CSMD1: variants seen among roughly 807,000 people sequenced by gnomAD.
CSMD1 encodes the protein CUB and Sushi multiple domains 1.
In CSMD1, 213 loss-of-function variants were observed where a neutral mutation model predicts 417.5. The observed-to-expected ratio is 0.51, with a 90% CI of 0.46 to 0.57. The LOEUF is 0.57. CSMD1 is among the 20% of genes least tolerant of loss of function. The probability of loss-of-function intolerance (pLI) is 0.00; values close to 1 mark genes in which losing one functional copy is unlikely to be tolerated. For synonymous variants in CSMD1, 2,862 were observed against 1,736.8 expected (o/e 1.65, Z -16.11); for missense variants, 6,923 against 4,529.7 (o/e 1.53, Z -15.17).
At chr8:3,790,155 C>T (rs910845126) in intron 5 of CSMD1, among the ~76,000 whole-genome samples, 32 of 152,108 alleles carry the variant, frequency 2.1e-4, no homozygotes, top group African/African-American at 6.3e-4. Flanking sequence ...GCTCACATGC[C>T]GTTTTATAAT....
intron 50 of CSMD1, among the ~76,000 whole-genome samples, chr8:3,034,871 G>A (rs1484043766): frequency 6.6e-6 from 1 of 152,168 alleles, no homozygotes; most frequent in South Asian, 2.1e-4. Context: ...TTAAGAACTG[G>A]AGCAAAAATA....
intron 3 of CSMD1, among the ~76,000 whole-genome samples, chr8:4,071,830 G>T (rs574196983): frequency 5.9e-5 from 9 of 152,206 alleles, no homozygotes; most frequent in South Asian, 2.1e-4. Context: ...CTGTTGTGGG[G>T]GGGTGGTGTG....
At chr8:4,525,595 C>A (rs925988087) in intron 2 of CSMD1, among the ~76,000 whole-genome samples, 2 of 152,140 alleles carry the variant, frequency 1.3e-5, no homozygotes, top group African/African-American at 4.8e-5. Context: ...CTGGTTTATA[C>A]ATGAAGTATG....
intron 2 of CSMD1, among the ~76,000 whole-genome samples, chr8:4,424,068 G>T (rs1563158589): frequency 6.6e-6 from 1 of 151,896 alleles, no homozygotes; most frequent in African/African-American, 2.4e-5. Flanking sequence ...AAATATAAAT[G>T]TAAAATGTAA....
chr8:4,868,243 C>T (rs550222976), intron 1 of CSMD1, among the ~76,000 whole-genome samples: 1 of 152,130 alleles, frequency 6.6e-6, no homozygotes, highest in East Asian at 1.9e-4. Context: ...GTATTATTTT[C>T]TTTCCTTTAA....
At chr8:4,719,002 G>C (rs1385011546) in intron 1 of CSMD1, among the ~76,000 whole-genome samples, 3 of 152,042 alleles carry the variant, frequency 2.0e-5, no homozygotes, top group Non-Finnish European at 4.4e-5. Flanking sequence ...ATGTAGGTAT[G>C]AGAAAAAAGG....
intron 3 of CSMD1, among the ~76,000 whole-genome samples, chr8:4,369,313 A>C (rs79917039): frequency 6.6e-6 from 1 of 152,142 alleles, no homozygotes; most frequent in Admixed American, 6.5e-5. Context: ...TGTGGTTGTT[A>C]TGAATTGAAT....
chr8:3,311,612 T>G (rs1255573617), intron 23 of CSMD1, among the ~76,000 whole-genome samples: 2 of 152,224 alleles, frequency 1.3e-5, no homozygotes, highest in African/African-American at 4.8e-5. Flanking sequence ...TTGAATACTG[T>G]ACAGGAAATG....
intron 8 of CSMD1, among the ~76,000 whole-genome samples, chr8:3,603,366 G>A (rs183390244): frequency 7.9e-5 from 12 of 152,092 alleles, no homozygotes; most frequent in African/African-American, 9.7e-5. Flanking sequence ...CAATGGCAGG[G>A]GACTTAGGCG....
chr8:3,369,584 C>G (rs988466255), intron 18 of CSMD1, among the ~76,000 whole-genome samples: 8 of 152,098 alleles, frequency 5.3e-5, no homozygotes, highest in Non-Finnish European at 8.8e-5. Context: ...ACCTTGACAA[C>G]GTAACACAGA....
At chr8:4,149,458 A>G in intron 3 of CSMD1, among the ~76,000 whole-genome samples, 1 of 152,200 alleles carries the variant, frequency 6.6e-6, no homozygotes, top group East Asian at 1.9e-4. Context: ...AATAAAAGGA[A>G]ATCTTCCAAT....
intron 6 of CSMD1, among the ~76,000 whole-genome samples, chr8:3,742,069 G>C (rs1009194525): frequency 1.3e-5 from 2 of 149,310 alleles, no homozygotes; most frequent in African/African-American, 5.0e-5. Flanking sequence ...GCACATTCTT[G>C]CCTCACATCC....
At chr8:3,169,211 C>T (rs1041902723) in intron 37 of CSMD1, among the ~76,000 whole-genome samples, 7 of 152,138 alleles carry the variant, frequency 4.6e-5, no homozygotes, top group African/African-American at 1.7e-4. Context: ...GACTCCACCC[C>T]AAACAGTACA....
intron 1 of CSMD1, among the ~76,000 whole-genome samples, chr8:4,861,453 C>T (rs1158058888): frequency 6.6e-6 from 1 of 152,008 alleles, no homozygotes; most frequent in African/African-American, 2.4e-5. Flanking sequence ...TGGAAGTGCT[C>T]GTAGACAACT....
intron 1 of CSMD1, among the ~76,000 whole-genome samples, chr8:4,648,100 T>C (rs988523170): frequency 3.3e-5 from 5 of 152,218 alleles, no homozygotes; most frequent in African/African-American, 7.2e-5. Context: ...TTTTTAATAA[T>C]TGCCATTCTG....
intron 3 of CSMD1, among the ~76,000 whole-genome samples, chr8:4,397,375 C>T (rs1238622260): frequency 6.6e-6 from 1 of 151,940 alleles, no homozygotes; most frequent in African/African-American, 2.4e-5. Flanking sequence ...AAGATATAAT[C>T]TTAAGTGGAA....
chr8:3,492,661 G>C (rs566188663), intron 11 of CSMD1, among the ~76,000 whole-genome samples: 9 of 152,300 alleles, frequency 5.9e-5, no homozygotes, highest in African/African-American at 1.9e-4. Context: ...CCCTCTCTCT[G>C]GAAGTAGCTG....
At chr8:3,825,392 G>T (rs151157119) in intron 5 of CSMD1, among the ~76,000 whole-genome samples, 35 of 152,264 alleles carry the variant, frequency 2.3e-4, no homozygotes, top group Non-Finnish European at 1.2e-4. Context: ...AGCCAGGGGT[G>T]GTGGTAGGCA....
intron 5 of CSMD1, among the ~76,000 whole-genome samples, chr8:3,777,277 G>T (rs890825893): frequency 6.6e-6 from 1 of 151,986 alleles, no homozygotes; most frequent in Non-Finnish European, 1.5e-5. Context: ...TCTGCTTGGT[G>T]CACAGTCCAC....
Sources: allele counts gnomAD v4.1 joint callset (sites outside exome capture counted in the v4.1 genomes callset), GRCh38; gene constraint gnomAD v4.1.1; transcripts MANE v1.5; gene names NCBI Gene and HGNC (gene_info 2026-07-23, HGNC 2026-07-21).